KCTD14: variants seen among roughly 807,000 people sequenced by gnomAD.
KCTD14 encodes potassium channel tetramerization domain containing 14, also known as BTB/POZ domain-containing protein KCTD14.
In KCTD14, 7 loss-of-function variants were observed where a neutral mutation model predicts 5.9. That is an observed-to-expected ratio of 1.19 (90% confidence interval 0.68 to 2.23). The LOEUF (loss-of-function observed/expected upper bound fraction) is 2.23. Ranked by LOEUF, KCTD14 falls within the 30% of genes most tolerant of loss-of-function variation. The pLI is 0.00. For synonymous variants in KCTD14, 140 were observed against 133.1 expected, an observed-to-expected ratio of 1.05 and a Z score of -0.36; for missense variants, 342 against 332.2, an observed-to-expected ratio of 1.03 and a Z score of -0.23.
intron 1 of KCTD14, among the ~76,000 whole-genome samples, chr11:78,018,721 G>T (rs190568962): frequency 1.5e-4 from 23 of 151,760 alleles, no homozygotes; most frequent in African/African-American, 3.9e-4. Flanking sequence ...AAAAAAATAA[G>T]AAGAAGAAAG....
chr11:78,022,887 A>C (rs899070630), intron 1 of KCTD14: 3 of 446,052 alleles, frequency 6.7e-6, no homozygotes, highest in African/African-American at 6.2e-5. Flanking sequence ...CTAAAGACCC[A>C]ATGTAGAGGG....
upstream of KCTD14, among the ~76,000 whole-genome samples, chr11:78,027,914 G>A (rs1857509110): frequency 6.6e-6 from 1 of 152,072 alleles, no homozygotes; most frequent in African/African-American, 2.4e-5. Flanking sequence ...TGTTCTGTCA[G>A]TCTTAAGGTC....
At chr11:78,025,118 G>GTGTTTATATA (rs1230114793), upstream of KCTD14, among the ~76,000 whole-genome samples, 1 of 44,472 alleles carries the variant, frequency 2.2e-5, no homozygotes, top group South Asian at 1.1e-3. Context: ...GTGTGTGTGT[G>GTGTTTATATA]TATATATATA....
At chr11:78,041,859 C>G (rs1858001848) in intron 1 of KCTD14, among the ~76,000 whole-genome samples, 1 of 152,156 alleles carries the variant, frequency 6.6e-6, no homozygotes, top group Non-Finnish European at 1.5e-5. Context: ...TCATCCTAAT[C>G]GAGCTGAACA....
At chr11:78,021,637 T>C (rs1267776968) in intron 1 of KCTD14, among the ~76,000 whole-genome samples, 1 of 152,136 alleles carries the variant, frequency 6.6e-6, no homozygotes, top group African/African-American at 2.4e-5. Context: ...CAGGCTGGCC[T>C]CGAACGCCTG....
At chr11:78,038,077 C>A (rs377639905) in intron 2 of KCTD14, among the ~76,000 whole-genome samples, 41 of 152,116 alleles carry the variant, frequency 2.7e-4, no homozygotes, top group Middle Eastern at 3.4e-3. Context: ...CTCTGCCCCC[C>A]ACACCATCCT....
Position 78,016,503 on chromosome 11 carries a change from T to C in KCTD14, c.*90A>G. On this transcript the variant is annotated 3_prime_UTR_variant, in exon 2 of 2. Transcript: ENST00000353172. Reference sequence around the variant, plus strand: ...TAGACCAACCCTGGAAATTGCCTGATGTTTGTGAAATTAAAAGAAAATGGC... The same window carrying C: ...TAGACCAACCCTGGAAATTGCCTGACGTTTGTGAAATTAAAAGAAAATGGC... 1 of 1,159,648 alleles carries C rather than the reference T, an allele frequency of 8.6e-7. No homozygotes were observed. The highest frequency in any genetic ancestry group is 1.2e-6 in the Non-Finnish European group (1 of 817,178). 71.8% of individuals were successfully genotyped at this position (1,159,648 alleles called of 1,614,324 possible).
chr11:78,044,580 G>A (rs1858081761), intron 1 of KCTD14, among the ~76,000 whole-genome samples: 1 of 152,192 alleles, frequency 6.6e-6, no homozygotes, highest in South Asian at 2.1e-4. Context: ...GGCCAGCCAT[G>A]CCGCACAGGA....
At chr11:78,039,534 G>GA (rs1297128080) in intron 1 of KCTD14, among the ~76,000 whole-genome samples, 2,143 of 126,840 alleles carry the variant, frequency 0.017, 57 homozygotes, top group African/African-American at 0.058. Context: ...GTCTCAAAAA[G>GA]AAAAAAAAAA....
chr11:78,039,662 G>A (rs1234993757), intron 1 of KCTD14, among the ~76,000 whole-genome samples: 1 of 152,004 alleles, frequency 6.6e-6, no homozygotes, highest in Non-Finnish European at 1.5e-5. Context: ...AGTTAATCAG[G>A]AGACTGAGGT....
At chr11:78,028,982 C>G (rs987456874) in intron 2 of KCTD14, among the ~76,000 whole-genome samples, 1 of 151,870 alleles carries the variant, frequency 6.6e-6, no homozygotes, top group Admixed American at 6.6e-5. Flanking sequence ...GTCAGGAGTT[C>G]GAGACCAGCC....
upstream of KCTD14, among the ~76,000 whole-genome samples, chr11:78,025,795 C>G (rs1857448990): frequency 1.3e-5 from 2 of 152,066 alleles, no homozygotes; most frequent in African/African-American, 2.4e-5. Flanking sequence ...AAATATAACT[C>G]TAAAGGAGAG....
At chr11:78,018,043 G>A (rs550823874) in intron 1 of KCTD14, among the ~76,000 whole-genome samples, 12 of 152,272 alleles carry the variant, frequency 7.9e-5, no homozygotes, top group African/African-American at 2.9e-4. Context: ...GCTGCAGTGA[G>A]CCAAGATCAC....
Position 78,016,524 on chromosome 11 carries a change from A to C in KCTD14, c.*69T>G, listed in dbSNP as rs548994962. ...CTGATGTTTGTGAAATTAAAAGAAA[A>C]TGGCTTTGATGGCAACTTTTAATTT... On this transcript the variant is annotated 3_prime_UTR_variant, in exon 2 of 2. Coordinates refer to ENST00000353172, the MANE Select transcript of KCTD14 (RefSeq NM_023930.4). 1 of 1,365,458 alleles carries C rather than the reference A, an allele frequency of 7.3e-7. No individual in the cohort carries two copies. The highest frequency in any genetic ancestry group is 1.4e-5 in the South Asian group (1 of 72,304). The allele number at this position is 1,365,458 out of a possible 1,614,324, so 84.6% of individuals were successfully genotyped here.
At chr11:78,027,368 ATT>A, upstream of KCTD14, among the ~76,000 whole-genome samples, 1 of 145,416 alleles carries the variant, frequency 6.9e-6, no homozygotes. Context: ...CCCCATCCCT[ATT>A]TTTTTTTTTT....
intron 2 of KCTD14, among the ~76,000 whole-genome samples, chr11:78,033,675 C>T (rs1251452287): frequency 1.2e-5 from 1 of 81,982 alleles, no homozygotes; most frequent in Admixed American, 1.4e-4. Flanking sequence ...GAGCGAGACT[C>T]CTTCTCAAAA....
At chr11:78,037,883 AG>A (rs1436040615) in intron 2 of KCTD14, among the ~76,000 whole-genome samples, 1 of 151,922 alleles carries the variant, frequency 6.6e-6, no homozygotes, top group Admixed American at 6.5e-5. Context: ...TGCTGAATAA[AG>A]TTCTTTTTCT....
intron 2 of KCTD14, among the ~76,000 whole-genome samples, chr11:78,033,123 T>G (rs1339652168): frequency 6.6e-6 from 1 of 152,146 alleles, no homozygotes; most frequent in East Asian, 1.9e-4. Context: ...CTTTCTAGCA[T>G]AAGTGGTGTC....
chr11:78,036,310 T>C (rs1857802609), intron 2 of KCTD14, among the ~76,000 whole-genome samples: 1 of 152,250 alleles, frequency 6.6e-6, no homozygotes. Context: ...TGCTGTACAC[T>C]TGACAGTCTC....
Sources: allele counts gnomAD v4.1 joint callset (sites outside exome capture counted in the v4.1 genomes callset), GRCh38; gene constraint gnomAD v4.1.1; transcripts MANE v1.5; gene names NCBI Gene and HGNC (gene_info 2026-07-23, HGNC 2026-07-21).